SYTL5: variants seen among roughly 807,000 people sequenced by gnomAD.
SYTL5 encodes synaptotagmin like 5.
SYTL5 carries 34 observed loss-of-function variants against 55.9 expected under a neutral mutation model. The observed-to-expected ratio is 0.61, with a 90% CI of 0.46 to 0.81. The LOEUF (loss-of-function observed/expected upper bound fraction) is 0.81. SYTL5 is among the 30% of genes least tolerant of loss of function. The pLI, the probability that SYTL5 is intolerant of heterozygous loss-of-function variation, is 0.00. For synonymous variants in SYTL5, 221 were observed against 188.7 expected (o/e 1.17, Z -1.40); for missense variants, 637 against 546.7 (o/e 1.17, Z -1.65).
In SYTL5 at chrX:38,043,661, GTATATATATATATA is replaced by G. The variant is rs35312093; in HGVS notation, c.119+9670_119+9683del. 2.8e-3 allele frequency among the ~76,000 whole-genome samples: 141 copies of G among 50,152 alleles called. 2 individuals carry two copies. The highest frequency in any genetic ancestry group is 0.012 in the African/African-American group (125 of 10,460). 43.6% of individuals were successfully genotyped at this position (50,152 alleles called of 115,157 possible). On this transcript the variant is annotated intron_variant, in intron 2 of 16. Coordinates refer to ENST00000297875, the MANE Select transcript of SYTL5 (RefSeq NM_138780.3). ...CTGTAACTTTTATGTATGTATGTAT[GTATATATATATATA>G]TATATATATATATATACATATATAT...
At chrX:38,037,759 A>T (rs1327329312) in intron 2 of SYTL5, among the ~76,000 whole-genome samples, 3 of 110,087 alleles carry the variant, frequency 2.7e-5, no homozygotes, top group African/African-American at 9.9e-5. Flanking sequence ...GTGGGTCTGC[A>T]TGGCAATTAA....
the SYTL5 span, among the ~76,000 whole-genome samples, chrX:37,909,165 C>G: frequency 9.0e-6 from 1 of 111,499 alleles, no homozygotes; most frequent in South Asian, 3.8e-4. Context: ...CACACTAAAA[C>G]TTAAAAAGTT....
the SYTL5 span, among the ~76,000 whole-genome samples, chrX:37,968,148 T>C: frequency 8.1e-5 from 9 of 110,648 alleles, no homozygotes; most frequent in African/African-American, 2.6e-4. Context: ...TTTCTGGAAA[T>C]TTATCCTGTT....
chrX:37,940,604 G>GTATATA, the SYTL5 span, among the ~76,000 whole-genome samples: 381 of 94,820 alleles, frequency 4.0e-3, 9 homozygotes, highest in East Asian at 0.06. Flanking sequence ...AGGTGTGTAT[G>GTATATA]TATATATATA....
chrX:38,095,465 A>C (rs781512063), intron 8 of SYTL5, among the ~76,000 whole-genome samples: 2 of 112,155 alleles, frequency 1.8e-5, no homozygotes, highest in Non-Finnish European at 3.8e-5. Context: ...GCTTTGGTAT[A>C]GAACTATTTT....
intron 1 of SYTL5, among the ~76,000 whole-genome samples, chrX:38,028,164 C>T (rs1934840355): frequency 9.0e-6 from 1 of 111,640 alleles, no homozygotes; most frequent in African/African-American, 3.3e-5. Context: ...CCTTCAGCTC[C>T]TGGACCTATT....
rs773333631 is a variant in SYTL5 at position 38,031,585 on chromosome X, A to T, written c.-356-1949A>T. 1.8e-4 allele frequency among the ~76,000 whole-genome samples: 20 copies of T among 112,371 alleles called. No individual in the cohort carries two copies. The East Asian group carries it at 5.6e-3, about 31-fold the overall frequency. Reference sequence around the variant, plus strand: ...ATTCTATAAAACATTCACAAAGTAAAGTCTAAGTCTGACATTTCAAACACA... The same window carrying T: ...ATTCTATAAAACATTCACAAAGTAATGTCTAAGTCTGACATTTCAAACACA... On this transcript the variant is annotated intron_variant, in intron 1 of 16. Coordinates refer to ENST00000297875, the MANE Select transcript of SYTL5 (RefSeq NM_138780.3).
chrX:37,944,372 A>G, the SYTL5 span, among the ~76,000 whole-genome samples: 1 of 110,816 alleles, frequency 9.0e-6, no homozygotes, highest in Non-Finnish European at 1.9e-5. Flanking sequence ...TATGTTTTTT[A>G]TCTTAAAATG....
upstream of SYTL5, among the ~76,000 whole-genome samples, chrX:38,002,223 C>T (rs1294264291): frequency 8.9e-6 from 1 of 112,049 alleles, no homozygotes; most frequent in Non-Finnish European, 1.9e-5. Context: ...GCATAGTATT[C>T]CATGGTGTAT....
intron 9 of SYTL5, among the ~76,000 whole-genome samples, chrX:38,100,912 A>T (rs1421233199): frequency 9.0e-6 from 1 of 111,167 alleles, no homozygotes. Flanking sequence ...AGTGTTGGTC[A>T]CAATAGAAAA....
At chrX:38,110,600 T>A (rs1028220145) in intron 13 of SYTL5, 118 bp downstream of exon 13, 67 of 542,338 alleles carry the variant, frequency 1.2e-4, no homozygotes, top group African/African-American at 1.4e-4. Context: ...CTGCAAAAAA[T>A]TAGTGCAGCA....
intron 2 of SYTL5, among the ~76,000 whole-genome samples, chrX:38,043,666 TATATATATATATATATATATATATAC>T (rs1394958055): frequency 6.4e-5 from 4 of 62,525 alleles, no homozygotes; most frequent in African/African-American, 3.6e-4. Flanking sequence ...TGTATGTATA[TATATATATATATATATATATATATAC>T]ATATATATAT....
At chrX:38,081,417 T>C (rs1344822022) in intron 6 of SYTL5, among the ~76,000 whole-genome samples, 1 of 110,968 alleles carries the variant, frequency 9.0e-6, no homozygotes, top group African/African-American at 3.3e-5. Flanking sequence ...CAGTCTGAAG[T>C]TGCAAAAAAA....
chrX:38,101,701 A>G (rs1047983617), intron 9 of SYTL5, among the ~76,000 whole-genome samples: 1 of 110,205 alleles, frequency 9.1e-6, no homozygotes, highest in African/African-American at 3.3e-5. Flanking sequence ...ATGTGATGAT[A>G]TAATCAAAAA....
upstream of SYTL5, among the ~76,000 whole-genome samples, chrX:38,002,293 C>T (rs1183404007): frequency 2.1e-4 from 23 of 111,922 alleles, 1 homozygote; most frequent in Admixed American, 1.7e-3. Context: ...GGTTCCAAGT[C>T]TTTGCTATTG....
the SYTL5 span, among the ~76,000 whole-genome samples, chrX:37,904,525 T>C: frequency 9.1e-6 from 1 of 110,399 alleles, no homozygotes; most frequent in African/African-American, 3.3e-5. Flanking sequence ...AGATGGAAAG[T>C]AGAGGTGGGA....
the SYTL5 span, among the ~76,000 whole-genome samples, chrX:37,902,418 C>G: frequency 8.9e-6 from 1 of 112,125 alleles, no homozygotes; most frequent in Non-Finnish European, 1.9e-5. Flanking sequence ...CACAAGTCAT[C>G]ACCTGATATA....
At chrX:37,941,077 A>C in the SYTL5 span, among the ~76,000 whole-genome samples, 36 of 112,150 alleles carry the variant, frequency 3.2e-4, no homozygotes, top group Non-Finnish European at 5.4e-4. Context: ...TGTTTGTTTT[A>C]AATCAGGCAT....
chrX:37,995,313 A>G, the SYTL5 span, among the ~76,000 whole-genome samples: 22 of 112,030 alleles, frequency 2.0e-4, no homozygotes, highest in South Asian at 1.1e-3. Context: ...GTGGGTGGAA[A>G]GAGGGCACAC....
Sources: allele counts gnomAD v4.1 joint callset (sites outside exome capture counted in the v4.1 genomes callset), GRCh38; gene constraint gnomAD v4.1.1; transcripts MANE v1.5; gene names NCBI Gene and HGNC (gene_info 2026-07-23, HGNC 2026-07-21).